PIEZO2: variants seen among roughly 807,000 people sequenced by gnomAD.
PIEZO2 encodes piezo-type mechanosensitive ion channel component 2.
Under a neutral mutation model 337.3 loss-of-function variants are expected in PIEZO2, and 172 were observed. The observed-to-expected ratio is 0.51, with a 90% CI of 0.45 to 0.58. PIEZO2 has a LOEUF of 0.58. Among genes scored for constraint, PIEZO2 ranks in the 20% least tolerant of loss-of-function variants. PIEZO2 has a pLI of 0.00. For synonymous variants in PIEZO2, 1,251 were observed against 1,228.5 expected, an observed-to-expected ratio of 1.02 and a Z score of -0.38; for missense variants, 3,028 against 3,391.3, an observed-to-expected ratio of 0.89 and a Z score of 2.66.
chr18:10,829,125 C>T (rs187933631), intron 7 of PIEZO2, among the ~76,000 whole-genome samples: 34 of 152,208 alleles, frequency 2.2e-4, no homozygotes, highest in Admixed American at 7.9e-4. Context: ...GTCATCTTCT[C>T]GGCGATCCCT....
In PIEZO2 at chr18:10,681,753, G is replaced by A. The variant is rs1407743782; in HGVS notation, c.7687C>T (p.Pro2563Ser). Residue 2563 changes from proline to serine, a missense_variant and splice_region_variant, in exon 51 of 56, where the codon CCT becomes TCT. By Grantham distance (74) the Pro-to-Ser change is moderately conservative (BLOSUM62 -1). Coordinates refer to ENST00000674853, the MANE Select transcript of PIEZO2 (RefSeq NM_001378183.1). ...TGTTGGGCACTCATTGTGAAAATAG[G>A]CTGGAAAACAAAGAGAACAGTGTTG... is the stretch of plus-strand genomic sequence containing the variant. ...SVTITLGGYQ[P>S]IFTMSAQQSQ... 6.2e-7 allele frequency: 1 copy of A among 1,603,074 alleles called. No individual in the cohort carries two copies. The highest frequency in any genetic ancestry group is 8.5e-7 in the Non-Finnish European group (1 of 1,170,234).
intron 7 of PIEZO2, among the ~76,000 whole-genome samples, chr18:10,839,465 G>A (rs1353088873): frequency 6.6e-6 from 1 of 152,202 alleles, no homozygotes; most frequent in Non-Finnish European, 1.5e-5. Flanking sequence ...CTCAACCATG[G>A]TAGAATGGTT....
intron 34 of PIEZO2, among the ~76,000 whole-genome samples, 192 bp downstream of exon 34, chr18:10,736,412 T>A (rs1186952674): frequency 1.3e-5 from 2 of 152,182 alleles, no homozygotes; most frequent in Non-Finnish European, 2.9e-5. Flanking sequence ...TCTTGCTTGA[T>A]ACTAATTACG....
At position 10,731,397 on chromosome 18, in the gene PIEZO2, C is replaced by T. The variant is rs939804281; in HGVS notation, c.5029+10G>A. 2.0e-6 allele frequency: 3 copies of T among 1,527,102 alleles called. No individual in the cohort carries two copies. The highest frequency in any genetic ancestry group is 2.6e-6 in the Non-Finnish European group (3 of 1,140,208). The allele number at this position is 1,527,102 out of a possible 1,614,324, so 94.6% of individuals were successfully genotyped here. On this transcript the variant is annotated intron_variant, in intron 36 of 55. Coordinates refer to ENST00000674853, the MANE Select transcript of PIEZO2 (RefSeq NM_001378183.1). ...CCACACCCACCACAGCCACCCCACC[C>T]ACCACTCACCCTCCTTGGATCCTTT...
chr18:10,922,664 T>C (rs1257533551), intron 3 of PIEZO2, among the ~76,000 whole-genome samples: 1 of 151,662 alleles, frequency 6.6e-6, no homozygotes, highest in African/African-American at 2.4e-5. Flanking sequence ...TGTCCTGGGG[T>C]CAGATGTGCA....
chr18:10,810,855 C>G (rs542308491), intron 7 of PIEZO2, among the ~76,000 whole-genome samples: 1 of 152,250 alleles, frequency 6.6e-6, no homozygotes, highest in Non-Finnish European at 1.5e-5. Context: ...ACACCAGCCC[C>G]CAACTCCAAC....
At chr18:10,918,277 TC>T (rs1192830446) in intron 3 of PIEZO2, among the ~76,000 whole-genome samples, 2 of 152,146 alleles carry the variant, frequency 1.3e-5, no homozygotes, top group Admixed American at 6.5e-5. Flanking sequence ...ACATTATTTA[TC>T]ATCCCTTAAT....
At chr18:11,122,015 G>A (rs1170037833) in intron 1 of PIEZO2, among the ~76,000 whole-genome samples, 3 of 151,936 alleles carry the variant, frequency 2.0e-5, no homozygotes, top group Non-Finnish European at 4.4e-5. Flanking sequence ...GTGCAGTGGC[G>A]CTATCTCGGC....
rs996411151 is a variant in PIEZO2, at chr18:10,813,888, G to A, written c.918-6614C>T. On this transcript the variant is annotated intron_variant, in intron 7 of 55. Transcript: ENST00000674853. The surrounding 1 kb of genome is among the most constrained non-coding windows in gnomAD (Gnocchi z 4.2). ...CCCACCAGCAGTGCACAGTCTTCCA[G>A]TTTCCCTATAGCCTTGCCAAGTCTT... Among the ~76,000 whole-genome samples the A allele has an allele frequency of 3.9e-5, 6 of 152,114 alleles. No individual in the cohort carries two copies. The highest frequency in any genetic ancestry group is 3.4e-3 in the Middle Eastern group (1 of 290).
At chr18:10,874,291 G>C (rs1465087794) in intron 4 of PIEZO2, among the ~76,000 whole-genome samples, 1 of 151,638 alleles carries the variant, frequency 6.6e-6, no homozygotes, top group Non-Finnish European at 1.5e-5. Context: ...AGTTAGAATG[G>C]TTATTATCAA....
chr18:11,043,756 G>A (rs1055024431), intron 2 of PIEZO2, among the ~76,000 whole-genome samples: 6 of 151,572 alleles, frequency 4.0e-5, no homozygotes, highest in South Asian at 2.1e-4. Context: ...TGCAACCTCC[G>A]CCTCCCGGGT....
chr18:10,802,882 G>A (rs62083237), intron 9 of PIEZO2, among the ~76,000 whole-genome samples: 25,072 of 149,712 alleles, frequency 0.17, 2,367 homozygotes, highest in East Asian at 0.39. Context: ...TGATTCAGGA[G>A]AATCGCTTGA....
In PIEZO2 at chr18:11,101,014, G is replaced by A. The variant is rs1195607997; in HGVS notation, c.65-34792C>T. Among the ~76,000 whole-genome samples, 1 of 152,176 alleles carries A rather than the reference G, an allele frequency of 6.6e-6. No individual in the cohort carries two copies. Among genetic ancestry groups the A allele is most frequent in the Non-Finnish European group, 1.5e-5 (1 of 68,042 alleles). ...CATAGTTAACTCAAGGAATTCAGTG[G>A]GTGGGATGGCTTTCCCACTGGAGAT... On this transcript the variant is annotated intron_variant, in intron 1 of 55. Coordinates refer to ENST00000674853, the MANE Select transcript of PIEZO2 (RefSeq NM_001378183.1). This position sits in a 1 kb window ranked among gnomAD's most constrained non-coding sequence, Gnocchi z 4.4.
At chr18:10,701,212 C>T (rs2035317493) in intron 43 of PIEZO2, among the ~76,000 whole-genome samples, 2 of 152,234 alleles carry the variant, frequency 1.3e-5, no homozygotes, top group Admixed American at 6.5e-5. Flanking sequence ...AAGGTTGTAA[C>T]AAGAGGTATA....
In PIEZO2 at chr18:10,870,231, G is replaced by A. The variant is rs896499726; in HGVS notation, c.492+1022C>T. 2.0e-5 allele frequency among the ~76,000 whole-genome samples: 3 copies of A among 152,014 alleles called. No homozygotes were observed. Among genetic ancestry groups the A allele is most frequent in the Non-Finnish European group, 4.4e-5 (3 of 67,984 alleles). The stretch of plus-strand genomic sequence containing the variant: ...TATTGAATTCTATCCCTCCTTTATT[G>A]TTTTTTAAATAAGCATACAAGGAAA... On this transcript the variant is annotated intron_variant, in intron 5 of 55. Transcript: ENST00000674853. This position sits in a 1 kb window ranked among gnomAD's most constrained non-coding sequence, Gnocchi z 5.3.
Position 11,070,373 on chromosome 18 carries a change from G to A in PIEZO2, c.65-4151C>T, listed in dbSNP as rs2038296402. ...TCAAGGGGCATGGAGATCAAGCCCT[G>A]AACAGAGATGTTTGTTGAAATAATA... On this transcript the variant is annotated intron_variant, in intron 1 of 55. Coordinates refer to ENST00000674853, the MANE Select transcript of PIEZO2 (RefSeq NM_001378183.1). This position sits in a 1 kb window ranked among gnomAD's most constrained non-coding sequence, Gnocchi z 4.3. Among the ~76,000 whole-genome samples the A allele has an allele frequency of 6.6e-6, 1 of 152,152 alleles. No individual in the cohort carries two copies. Among genetic ancestry groups the A allele is most frequent in the Admixed American group, 6.5e-5 (1 of 15,272 alleles).
intron 1 of PIEZO2, among the ~76,000 whole-genome samples, chr18:11,137,272 T>C (rs764653148): frequency 6.6e-6 from 1 of 152,196 alleles, no homozygotes; most frequent in Non-Finnish European, 1.5e-5. Flanking sequence ...TCCTAACCTT[T>C]CTTTGAGGGC....
chr18:10,818,957 C>T (rs1212990404), intron 7 of PIEZO2, among the ~76,000 whole-genome samples: 2 of 151,996 alleles, frequency 1.3e-5, no homozygotes, highest in African/African-American at 4.8e-5. Flanking sequence ...AAAAGCACGC[C>T]CTAAAGTAAG....
chr18:10,748,500 A>C lies in PIEZO2; in HGVS notation c.4395T>G (p.Asp1465Glu). The change falls in exon 30 of 56, where the codon GAT becomes GAG. Residue 1465 changes from aspartate to glutamate, a missense_variant. Physicochemically the swap from Asp to Glu is conservative, Grantham distance 45 (BLOSUM62 2). This residue lies in a region of PIEZO2 where 1,925 missense variants were observed against 2,051.9 expected (regional missense o/e 0.94). Coordinates refer to ENST00000674853, the MANE Select transcript of PIEZO2 (RefSeq NM_001378183.1). The surrounding 1 kb of genome is among the most constrained non-coding windows in gnomAD (Gnocchi z 5.1). ...ATGCCAGAATCTGGGAAGCTTTTAT[A>C]TCAGCCACAACATGTAGAAAATAAT... ...MSYYFLHVVADIKASQILASR... is the reference protein window; with the variant it reads ...MSYYFLHVVAEIKASQILASR... 1 of 1,537,130 alleles carries C rather than the reference A, an allele frequency of 6.5e-7. No homozygotes were observed. The highest frequency in any genetic ancestry group is 1.2e-5 in the South Asian group (1 of 84,010).
Sources: allele counts gnomAD v4.1 joint callset (sites outside exome capture counted in the v4.1 genomes callset), GRCh38; gene constraint gnomAD v4.1.1; regional missense constraint gnomAD v4.1.1; non-coding constraint Gnocchi (gnomAD v3.1); transcripts MANE v1.5; gene names NCBI Gene and HGNC (gene_info 2026-07-23, HGNC 2026-07-21).